Variants in TPCN1 observed in about 807,000 individuals in gnomAD.
TPCN1 encodes the protein two pore segment channel 1.
Under a neutral mutation model 108.8 loss-of-function variants are expected in TPCN1, and 52 were observed. The observed-to-expected ratio is 0.48, with a 90% CI of 0.38 to 0.60. TPCN1 has a LOEUF of 0.60. TPCN1 is among the 20% of genes least tolerant of loss of function. TPCN1 has a pLI of 0.00. For missense variants in TPCN1, 806 were observed against 1,072.8 expected (o/e 0.75, Z 3.47); for synonymous variants, 446 against 433.7 (o/e 1.03, Z -0.35).
intron 24 of TPCN1, 65 bp from the exon 25 acceptor site, chr12:113,291,809 G>A (rs540185300): frequency 1.8e-5 from 28 of 1,568,566 alleles, no homozygotes; most frequent in Admixed American, 1.5e-4. Flanking sequence ...CGTGGGCTGC[G>A]CAGCCACGGA....
At chr12:113,267,757 A>C in intron 4 of TPCN1, 86 bp from the exon 5 acceptor site, 3 of 854,384 alleles carry the variant, frequency 3.5e-6, no homozygotes, top group Non-Finnish European at 6.0e-6. Flanking sequence ...GTCCTGGGGC[A>C]CTCCCAGGTC....
intron 3 of TPCN1, among the ~76,000 whole-genome samples, chr12:113,262,431 T>G (rs1028165896): frequency 6.6e-6 from 1 of 151,932 alleles, no homozygotes; most frequent in East Asian, 1.9e-4. Context: ...AAAAAAAGAT[T>G]TAATGAAATT....
intron 24 of TPCN1, 97 bp downstream of exon 24, chr12:113,291,774 T>A (rs1956277406): frequency 6.4e-7 from 1 of 1,567,030 alleles, no homozygotes; most frequent in Non-Finnish European, 8.8e-7. Context: ...TGGGGCTGGG[T>A]CCCATCTGGC....
At chr12:113,245,442 A>G (rs1216419046) in intron 2 of TPCN1, among the ~76,000 whole-genome samples, 14 of 146,188 alleles carry the variant, frequency 9.6e-5, no homozygotes, top group South Asian at 2.2e-4. Flanking sequence ...CTAAAAAAAA[A>G]TACAAAAAAT....
At chr12:113,282,878 G>A (rs1955937736) in intron 15 of TPCN1, among the ~76,000 whole-genome samples, 1 of 152,116 alleles carries the variant, frequency 6.6e-6, no homozygotes, top group Admixed American at 6.6e-5. Context: ...TTGAGGTCAG[G>A]AGTTCGAGAC....
At position 113,226,910 on chromosome 12, in the gene TPCN1, A is replaced by G. The variant is rs770113863; in HGVS notation, c.58A>G (p.Ser20Gly). 2 of 1,614,168 alleles carry G rather than the reference A, an allele frequency of 1.2e-6. No homozygotes were observed. The highest frequency in any genetic ancestry group is 1.7e-6 in the Non-Finnish European group (2 of 1,180,034). Residue 20 changes from serine (S) to glycine (G), a missense_variant, in exon 2 of 28, where the codon AGT (serine) becomes GGT (glycine). Transcript: ENST00000335509. ...PLILTLDEGG[S>G]APLAPSNGLG... The stretch of plus-strand genomic sequence containing the variant: ...CATCCTGACCTTGGATGAGGGTGGC[A>G]GTGCCCCACTGGCTCCCTCCAACGG...
intron 2 of TPCN1, among the ~76,000 whole-genome samples, chr12:113,246,214 C>T (rs1376411977): frequency 6.6e-6 from 1 of 152,214 alleles, no homozygotes; most frequent in African/African-American, 2.4e-5. Flanking sequence ...ACGTTCTCTC[C>T]TCCGGGCTGA....
At chr12:113,278,095 C>T in intron 12 of TPCN1, 94 bp from the exon 13 acceptor site, 1 of 1,034,074 alleles carries the variant, frequency 9.7e-7, no homozygotes. Context: ...CTCCCTCACC[C>T]CATAAAGGTG....
At chr12:113,260,189 T>G in intron 2 of TPCN1, 179 bp from the exon 3 acceptor site, 2 of 586,408 alleles carry the variant, frequency 3.4e-6, no homozygotes, top group Non-Finnish European at 5.3e-6. Context: ...AAGGAAAACA[T>G]TTGTAACCAG....
rs1276317502 is a variant in TPCN1 at position 113,296,922 on chromosome 12, CA to C, written c.*850del. On this transcript the variant is annotated 3_prime_UTR_variant, in exon 28 of 28. Transcript: ENST00000335509. ...TTTTTTTGCGATTTACCCGTTCAAGCAAAACAACGTTTTGGTTAACTAAGGA... is the reference window on the plus strand; with the variant it reads ...TTTTTTTGCGATTTACCCGTTCAAGCAAACAACGTTTTGGTTAACTAAGGA... 6.6e-6 allele frequency: 1 copy of C among 152,270 alleles called. No individual in the cohort carries two copies. The highest frequency in any genetic ancestry group is 1.9e-4 in the East Asian group (1 of 5,198). The allele number at this position is 152,270 out of a possible 1,614,324, so 9.4% of individuals were successfully genotyped here.
At chr12:113,255,447 C>G (rs1405971183) in intron 2 of TPCN1, among the ~76,000 whole-genome samples, 3 of 151,868 alleles carry the variant, frequency 2.0e-5, no homozygotes, top group Non-Finnish European at 4.4e-5. Flanking sequence ...TAAGAGTCTC[C>G]CCAATAGATC....
At chr12:113,287,877 T>C (rs1056737340) in intron 19 of TPCN1, among the ~76,000 whole-genome samples, 4 of 152,182 alleles carry the variant, frequency 2.6e-5, no homozygotes, top group African/African-American at 9.6e-5. Flanking sequence ...TGCTCCTGTC[T>C]GAGCCTGCAG....
Position 113,253,800 on chromosome 12 carries a change from C to T in TPCN1, c.113-6568C>T, listed in dbSNP as rs771033280. 2.6e-4 allele frequency among the ~76,000 whole-genome samples: 39 copies of T among 152,186 alleles called. 1 individual carries two copies. The highest frequency in any genetic ancestry group is 4.4e-4 in the Non-Finnish European group (30 of 68,026). Reference sequence around the variant, plus strand: ...CAGCTTCTACCTGTGTGTGGAGAAGCAGCAAGGTTCCAGAAGAGCATGGAA... The same window carrying T: ...CAGCTTCTACCTGTGTGTGGAGAAGTAGCAAGGTTCCAGAAGAGCATGGAA... On this transcript the variant is annotated intron_variant, in intron 2 of 27. Transcript: ENST00000335509.
In TPCN1 at chr12:113,231,070, C is replaced by T. The variant is rs961303735; in HGVS notation, c.112+4106C>T. Among the ~76,000 whole-genome samples, 10 of 152,354 alleles carry T rather than the reference C, an allele frequency of 6.6e-5. 1 individual carries two copies. The Middle Eastern group carries it at 0.014, about 207-fold the overall frequency. On this transcript the variant is annotated intron_variant, in intron 2 of 27. Transcript: ENST00000335509. The surrounding 1 kb of genome is among the most constrained non-coding windows in gnomAD (Gnocchi z 4.3). ...TGCAGGCCATCCGCGGAGTTGGCAA[C>T]GACATGAGCATGGGCTACTGGGAAC...
chr12:113,293,791 C>T (rs1321577829), intron 27 of TPCN1, among the ~76,000 whole-genome samples: 2 of 152,228 alleles, frequency 1.3e-5, no homozygotes, highest in Admixed American at 1.3e-4. Flanking sequence ...TCCTCCCAGC[C>T]CCAGCGAGTG....
chr12:113,242,227 G>C (rs1365259801), intron 2 of TPCN1, among the ~76,000 whole-genome samples: 1 of 152,268 alleles, frequency 6.6e-6, no homozygotes, highest in Non-Finnish European at 1.5e-5. Flanking sequence ...AATGTTTGCA[G>C]ATGGGTTAGG....
At chr12:113,243,944 A>G (rs554124190) in intron 2 of TPCN1, among the ~76,000 whole-genome samples, 1 of 152,126 alleles carries the variant, frequency 6.6e-6, no homozygotes, top group South Asian at 2.1e-4. Context: ...CTCCCTGCCT[A>G]CATTCTCCTC....
At chr12:113,253,245 G>A (rs1954715395) in intron 2 of TPCN1, among the ~76,000 whole-genome samples, 1 of 152,210 alleles carries the variant, frequency 6.6e-6, no homozygotes, top group African/African-American at 2.4e-5. Context: ...AATGTATTTA[G>A]ATAGGTATCA....
At chr12:113,243,426 A>G (rs1406286347) in intron 2 of TPCN1, among the ~76,000 whole-genome samples, 2 of 151,904 alleles carry the variant, frequency 1.3e-5, no homozygotes, top group Admixed American at 6.6e-5. Flanking sequence ...CATGTGATTT[A>G]TTAAGACTAG....
Sources: allele counts gnomAD v4.1 joint callset (sites outside exome capture counted in the v4.1 genomes callset), GRCh38; gene constraint gnomAD v4.1.1; non-coding constraint Gnocchi (gnomAD v3.1); transcripts MANE v1.5; gene names NCBI Gene and HGNC (gene_info 2026-07-23, HGNC 2026-07-21).